The following CAPZB variants were observed in gnomAD, a reference collection of about 807,000 sequenced individuals.
The protein encoded by CAPZB is F-actin-capping protein subunit beta.
In CAPZB, 2 loss-of-function variants were observed where a neutral mutation model predicts 38.1. The observed-to-expected ratio is 0.05, with a 90% CI of 0.02 to 0.17. The LOEUF (loss-of-function observed/expected upper bound fraction) is 0.17, where lower values mean the gene tolerates loss of function less well. Ranked by LOEUF, CAPZB falls within the 10% of genes least tolerant of loss-of-function variation. The pLI, the probability that CAPZB is intolerant of heterozygous loss-of-function variation, is 1.00. For missense variants in CAPZB, 161 were observed against 334.2 expected (o/e 0.48, Z 4.04); for synonymous variants, 107 against 127.4 (o/e 0.84, Z 1.08).
rs530238055 is a variant in CAPZB at position 19,363,322 on chromosome 1, G to A, written c.330-5759C>T. Among the ~76,000 whole-genome samples the A allele has an allele frequency of 8.5e-4, 122 of 143,318 alleles. 3 individuals carry two copies. In the South Asian group the frequency reaches 0.024, roughly 29 times the overall value. 94.0% of individuals were successfully genotyped at this position (143,318 alleles called of 152,430 possible). ...ATGTTGCCCAGGCTGGTCTCAAGCC[G>A]TTTATCAGCACAGCCAATTACAATT... On this transcript the variant is annotated intron_variant, in intron 4 of 8. Coordinates refer to ENST00000264202, the MANE Select transcript of CAPZB (RefSeq NM_004930.5).
intron 8 of CAPZB, among the ~76,000 whole-genome samples, chr1:19,341,235 A>C (rs1240473864): frequency 1.3e-5 from 2 of 152,212 alleles, no homozygotes; most frequent in African/African-American, 2.4e-5. Context: ...GCGGCGGCCA[A>C]AGGCATCAGC....
chr1:19,421,999 C>G (rs2094403103), intron 1 of CAPZB, among the ~76,000 whole-genome samples: 1 of 152,102 alleles, frequency 6.6e-6, no homozygotes, highest in Non-Finnish European at 1.5e-5. Flanking sequence ...CTCTCTTGCT[C>G]CCCTTAAACT....
At chr1:19,477,866 C>T (rs2094612255) in intron 1 of CAPZB, among the ~76,000 whole-genome samples, 1 of 152,222 alleles carries the variant, frequency 6.6e-6, no homozygotes, top group Non-Finnish European at 1.5e-5. Context: ...ACCACTGACA[C>T]ACACCACAGC....
chr1:19,461,096 C>CGGGGGGGGGGGG (rs67195695), intron 1 of CAPZB, among the ~76,000 whole-genome samples: 83 of 112,930 alleles, frequency 7.3e-4, no homozygotes, highest in African/African-American at 2.1e-3. Flanking sequence ...TGGGCGGGGG[C>CGGGGGGGGGGGG]GGGGGGGGGA....
intron 1 of CAPZB, among the ~76,000 whole-genome samples, chr1:19,440,100 G>T (rs745475559): frequency 4.6e-5 from 7 of 152,198 alleles, no homozygotes; most frequent in Non-Finnish European, 1.0e-4. Context: ...AGCACTTCAA[G>T]GCAGAACCAT....
chr1:19,460,487 G>C (rs970078758), intron 1 of CAPZB, among the ~76,000 whole-genome samples: 1 of 151,384 alleles, frequency 6.6e-6, no homozygotes, highest in Non-Finnish European at 1.5e-5. Flanking sequence ...GTGTTAGCCA[G>C]GATGGTCTCG....
At chr1:19,369,441 C>T (rs1051117151) in intron 4 of CAPZB, among the ~76,000 whole-genome samples, 1 of 152,356 alleles carries the variant, frequency 6.6e-6, no homozygotes, top group South Asian at 2.1e-4. Flanking sequence ...TTGGGTTTCC[C>T]CATTAAGTGC....
intron 1 of CAPZB, among the ~76,000 whole-genome samples, chr1:19,474,455 C>T (rs1387955898): frequency 2.0e-5 from 3 of 150,586 alleles, no homozygotes; most frequent in Admixed American, 2.0e-4. Flanking sequence ...CTGGGAGGCT[C>T]CTTTCGCTAT....
At chr1:19,368,713 G>A (rs969775066) in intron 4 of CAPZB, among the ~76,000 whole-genome samples, 1 of 150,098 alleles carries the variant, frequency 6.7e-6, no homozygotes, top group African/African-American at 2.5e-5. Flanking sequence ...TGTCACCCAG[G>A]CAGAAGTGTG....
chr1:19,471,680 C>A (rs557602676), intron 1 of CAPZB, among the ~76,000 whole-genome samples: 1 of 152,074 alleles, frequency 6.6e-6, no homozygotes, highest in South Asian at 2.1e-4. Context: ...CTGGCTAACA[C>A]GGTGAAACCC....
chr1:19,449,976 T>C (rs1479948507), intron 1 of CAPZB, among the ~76,000 whole-genome samples: 2 of 150,840 alleles, frequency 1.3e-5, no homozygotes, highest in Non-Finnish European at 3.0e-5. Context: ...ACTCTGTCTC[T>C]ACAAATAATT....
chr1:19,423,051 A>AT (rs1553282712), intron 1 of CAPZB, among the ~76,000 whole-genome samples: 2 of 151,626 alleles, frequency 1.3e-5, no homozygotes, highest in African/African-American at 4.8e-5. Flanking sequence ...CCACCCCGCA[A>AT]GGGGCCGGAC....
chr1:19,431,715 C>T (rs1039589118), intron 1 of CAPZB, among the ~76,000 whole-genome samples: 10 of 148,352 alleles, frequency 6.7e-5, no homozygotes, highest in East Asian at 2.0e-4. Flanking sequence ...AGTGAGACTC[C>T]GTCTCAAAAA....
At chr1:19,364,385 G>T (rs1395982495) in intron 4 of CAPZB, among the ~76,000 whole-genome samples, 1 of 152,212 alleles carries the variant, frequency 6.6e-6, no homozygotes, top group East Asian at 1.9e-4. Flanking sequence ...TCCAGTGACA[G>T]TGAACTCATT....
In CAPZB at chr1:19,360,378, A is replaced by G. The variant is rs552901398; in HGVS notation, c.330-2815T>C. On this transcript the variant is annotated intron_variant, in intron 4 of 8. Transcript: ENST00000264202. ...TTGCTGGCAAAAAGGATGGGCCAAT[A>G]ATCCGTTCTTTCCTTCAGCCCTTCT... is the stretch of plus-strand genomic sequence containing the variant. 2.6e-5 allele frequency among the ~76,000 whole-genome samples: 4 copies of G among 152,294 alleles called. No individual in the cohort carries two copies. The East Asian group carries it at 7.7e-4, about 29-fold the overall frequency.
At chr1:19,366,457 G>A (rs930910434) in intron 4 of CAPZB, among the ~76,000 whole-genome samples, 37 of 151,862 alleles carry the variant, frequency 2.4e-4, no homozygotes, top group Admixed American at 1.4e-3. Flanking sequence ...GGGAAGCCGA[G>A]GCCGGCAGAT....
intron 1 of CAPZB, among the ~76,000 whole-genome samples, chr1:19,460,806 C>A: frequency 6.6e-6 from 1 of 151,974 alleles, no homozygotes; most frequent in Non-Finnish European, 1.5e-5. Context: ...TCCTTAAGAG[C>A]AACAGGCAGC....
At position 19,461,469 on chromosome 1, in the gene CAPZB, A is replaced by AGT. The variant is rs540024774; in HGVS notation, c.3+23965_3+23966dup. ...GAGCATGGGCATCCAGAGGCACTCC[A>AGT]GTCGGGGTCTGTTTCACAGAAGCAG... On this transcript the variant is annotated intron_variant, in intron 1 of 8. Coordinates refer to ENST00000264202, the MANE Select transcript of CAPZB (RefSeq NM_004930.5). Among the ~76,000 whole-genome samples the AGT allele has an allele frequency of 1.9e-3, 297 of 152,352 alleles. 3 individuals are homozygous for AGT. The South Asian group carries it at 0.024, about 12-fold the overall frequency.
chr1:19,358,931 C>T (rs1052448494), intron 4 of CAPZB, among the ~76,000 whole-genome samples: 18 of 152,338 alleles, frequency 1.2e-4, no homozygotes, highest in East Asian at 5.8e-4. Context: ...AGCTCTAGCA[C>T]GCCCAGCTAT....
Sources: gnomAD v4.1 joint callset for allele counts (sites outside exome capture counted in the v4.1 genomes callset) on GRCh38, gnomAD v4.1.1 for gene constraint, MANE v1.5 for transcripts, NCBI Gene and HGNC (gene_info 2026-07-23, HGNC 2026-07-21) for gene names.